The following CNTLN variants were observed in gnomAD, a reference collection of about 807,000 sequenced individuals.
The protein encoded by CNTLN is centlein.
Under a neutral mutation model 180.0 loss-of-function variants are expected in CNTLN, and 212 were observed. That is an observed-to-expected ratio of 1.18 (90% CI 1.05 to 1.32). The LOEUF (loss-of-function observed/expected upper bound fraction) is 1.32. Ranked by LOEUF, CNTLN falls within the 40% of genes most tolerant of loss-of-function variation. The pLI, the probability that CNTLN is intolerant of heterozygous loss-of-function variation, is 0.00. For missense variants in CNTLN, 2,095 were observed against 1,610.9 expected, an observed-to-expected ratio of 1.30 and a Z score of -5.14; for synonymous variants, 722 against 563.1, an observed-to-expected ratio of 1.28 and a Z score of -3.99.
chr9:17,136,943 G>T (rs952577963), intron 1 of CNTLN, among the ~76,000 whole-genome samples: 2 of 151,558 alleles, frequency 1.3e-5, no homozygotes, highest in Non-Finnish European at 2.9e-5. Flanking sequence ...CATATTTTCC[G>T]CACTCTTTCC....
At chr9:17,195,146 T>C (rs1316167259) in intron 2 of CNTLN, among the ~76,000 whole-genome samples, 3 of 152,196 alleles carry the variant, frequency 2.0e-5, no homozygotes, top group African/African-American at 7.2e-5. Context: ...AAAGATAAAG[T>C]AATATGTTAC....
intron 7 of CNTLN, among the ~76,000 whole-genome samples, chr9:17,304,760 A>C (rs2132860487): frequency 1.3e-5 from 2 of 152,300 alleles, no homozygotes; most frequent in South Asian, 4.1e-4. Flanking sequence ...TATAACAACT[A>C]TTTACATAGT....
Position 17,340,933 on chromosome 9 carries a change from A to C in CNTLN, c.1751A>C (p.Glu584Ala), listed in dbSNP as rs769836016. 4 of 1,610,046 alleles carry C rather than the reference A, an allele frequency of 2.5e-6. No homozygotes were observed. The highest frequency in any genetic ancestry group is 2.5e-6 in the Non-Finnish European group (3 of 1,178,062). The change falls in exon 11 of 26, where the codon GAA (glutamate) becomes GCA (alanine). Residue 584 changes from glutamate to alanine, a missense_variant. Physicochemically the swap from Glu to Ala is moderately radical, Grantham distance 107. Transcript: ENST00000380647. ...RAVKEQLKQW[E>A]EGSGMTEIRK... ...GTAAAAGAGCAATTAAAACAGTGGGAAGAAGGCAGTGGCATGTGAGTTACA... is the reference window on the plus strand; with the variant it reads ...GTAAAAGAGCAATTAAAACAGTGGGCAGAAGGCAGTGGCATGTGAGTTACA...
In CNTLN at chr9:17,500,933, C is replaced by T. The variant is rs531334093; in HGVS notation, c.4120-1618C>T. On this transcript the variant is annotated intron_variant, in intron 25 of 25. Coordinates refer to ENST00000380647, the MANE Select transcript of CNTLN (RefSeq NM_017738.4). Reference sequence around the variant, plus strand: ...TGTCCAAGGTAACTCTTTTTTACATCCAAGAAAAGCAATTTGTCAAAATTA... The same window carrying T: ...TGTCCAAGGTAACTCTTTTTTACATTCAAGAAAAGCAATTTGTCAAAATTA... 1.2e-3 allele frequency among the ~76,000 whole-genome samples: 179 copies of T among 152,216 alleles called. No homozygotes were observed. In the Middle Eastern group the frequency reaches 0.02, roughly 17 times the overall value.
chr9:17,407,477 C>T lies in CNTLN; in HGVS notation c.2616-1816C>T, dbSNP rs542603989. ...ATGACGTTGAGAGGGATGTAAAATA[C>T]GTCACACAATAGAATCAAGATCCCC... is the stretch of plus-strand genomic sequence containing the variant. On this transcript the variant is annotated intron_variant, in intron 15 of 25. Transcript: ENST00000380647. Among the ~76,000 whole-genome samples the T allele has an allele frequency of 5.3e-5, 8 of 152,208 alleles. No homozygotes were observed. The East Asian group carries it at 1.4e-3, about 26-fold the overall frequency.
intron 2 of CNTLN, among the ~76,000 whole-genome samples, chr9:17,214,189 G>T (rs1823555661): frequency 6.6e-6 from 1 of 152,118 alleles, no homozygotes; most frequent in South Asian, 2.1e-4. Flanking sequence ...GCAGTGACTG[G>T]TACCGGTTGT....
intron 18 of CNTLN, among the ~76,000 whole-genome samples, chr9:17,452,566 GTTTA>G (rs2134123887): frequency 1.3e-5 from 2 of 152,314 alleles, no homozygotes; most frequent in African/African-American, 4.8e-5. Flanking sequence ...ACTTACTATA[GTTTA>G]TTGTTACATA....
At chr9:17,328,969 A>C (rs1705236173) in intron 8 of CNTLN, among the ~76,000 whole-genome samples, 1 of 151,954 alleles carries the variant, frequency 6.6e-6, no homozygotes, top group Admixed American at 6.6e-5. Flanking sequence ...GAGCATTGTT[A>C]ATGTCTTATA....
chr9:17,143,486 C>A, intron 2 of CNTLN, 110 bp downstream of exon 2: 1 of 804,446 alleles, frequency 1.2e-6, no homozygotes, highest in South Asian at 1.7e-5. Context: ...CATTTAATTT[C>A]TGAATAAATG....
intron 15 of CNTLN, 79 bp from the exon 16 acceptor site, chr9:17,409,214 T>A: frequency 7.7e-7 from 1 of 1,297,990 alleles, no homozygotes; most frequent in Non-Finnish European, 1.1e-6. Flanking sequence ...GCTAAAATAT[T>A]ATTTGGTCTT....
At position 17,298,965 on chromosome 9, in the gene CNTLN, C is replaced by T. The variant is rs565875315; in HGVS notation, c.1146+613C>T. The T allele has an allele frequency of 2.6e-5, 26 of 984,000 alleles. 1 individual carries two copies. Among genetic ancestry groups the T allele is most frequent in the South Asian group, 2.4e-4 (5 of 21,248 alleles). The allele number at this position is 984,000 out of a possible 1,614,324, so 61.0% of individuals were successfully genotyped here. On this transcript the variant is annotated intron_variant, in intron 7 of 25. Coordinates refer to ENST00000380647, the MANE Select transcript of CNTLN (RefSeq NM_017738.4). Reference sequence around the variant, plus strand: ...AATTAAAAAAAATACCTTTATTGGCCGGGCATGGTGGCTCATGCCTGTAAT... The same window carrying T: ...AATTAAAAAAAATACCTTTATTGGCTGGGCATGGTGGCTCATGCCTGTAAT...
intron 14 of CNTLN, among the ~76,000 whole-genome samples, chr9:17,392,553 C>G (rs748984713): frequency 6.6e-6 from 1 of 152,126 alleles, no homozygotes; most frequent in Non-Finnish European, 1.5e-5. Context: ...AATACAATCT[C>G]TTTCACAGAA....
intron 12 of CNTLN, among the ~76,000 whole-genome samples, chr9:17,362,931 C>T (rs1234005248): frequency 2.0e-5 from 3 of 152,046 alleles, no homozygotes; most frequent in Admixed American, 6.6e-5. Flanking sequence ...ATGTTTCCCT[C>T]TCTGTGTCCA....
chr9:17,388,797 A>G (rs1333204330), intron 14 of CNTLN, among the ~76,000 whole-genome samples: 1 of 148,270 alleles, frequency 6.7e-6, no homozygotes, highest in Non-Finnish European at 1.5e-5. Flanking sequence ...AACCTTAGTC[A>G]TATTATAACA....
intron 6 of CNTLN, among the ~76,000 whole-genome samples, chr9:17,287,254 C>T (rs372332155): frequency 1.3e-5 from 2 of 151,630 alleles, no homozygotes; most frequent in African/African-American, 2.4e-5. Context: ...TTCTGCATCT[C>T]TTGAGATAAT....
At chr9:17,163,837 G>A (rs1278085380) in intron 2 of CNTLN, among the ~76,000 whole-genome samples, 1 of 152,082 alleles carries the variant, frequency 6.6e-6, no homozygotes, top group Non-Finnish European at 1.5e-5. Flanking sequence ...AGACCAGCCT[G>A]GCCAACACAG....
chr9:17,175,997 C>T (rs1820695767), intron 2 of CNTLN, among the ~76,000 whole-genome samples: 1 of 151,876 alleles, frequency 6.6e-6, no homozygotes, highest in Admixed American at 6.6e-5. Flanking sequence ...CTTGATTTTT[C>T]TACATAATCA....
chr9:17,410,150 A>T (rs1217807293), intron 16 of CNTLN, among the ~76,000 whole-genome samples: 1 of 152,126 alleles, frequency 6.6e-6, no homozygotes, highest in Non-Finnish European at 1.5e-5. Flanking sequence ...ATATATGCTA[A>T]ATGACTGCTG....
At chr9:17,485,524 T>C (rs2134321830) in intron 24 of CNTLN, among the ~76,000 whole-genome samples, 1 of 152,246 alleles carries the variant, frequency 6.6e-6, no homozygotes, top group Admixed American at 6.5e-5. Context: ...TAGTACCAAA[T>C]GTAAGACACA....
Sources: gnomAD v4.1 joint callset for allele counts (sites outside exome capture counted in the v4.1 genomes callset) on GRCh38, gnomAD v4.1.1 for gene constraint, MANE v1.5 for transcripts, NCBI Gene and HGNC (gene_info 2026-07-23, HGNC 2026-07-21) for gene names.